GPHN: variants seen among roughly 807,000 people sequenced by gnomAD.
GPHN encodes the protein gephyrin.
Under a neutral mutation model 95.5 loss-of-function variants are expected in GPHN, and 17 were observed. The ratio of observed to expected loss-of-function variants is 0.18; its 90% CI spans 0.12 to 0.27. GPHN has a LOEUF of 0.27. Among genes scored for constraint, GPHN ranks in the 10% least tolerant of loss-of-function variants. GPHN has a pLI of 1.00. For synonymous variants in GPHN, 320 were observed against 322.5 expected (o/e 0.99, Z 0.08); for missense variants, 660 against 978.1 (o/e 0.67, Z 4.34).
At chr14:67,399,291 A>G in the GPHN span, among the ~76,000 whole-genome samples, 3 of 149,408 alleles carry the variant, frequency 2.0e-5, no homozygotes, top group African/African-American at 7.5e-5. Flanking sequence ...CTCAGGTGGC[A>G]GGAATAAAGA....
intron 4 of GPHN, among the ~76,000 whole-genome samples, chr14:66,859,154 T>C (rs1175120163): frequency 3.9e-5 from 6 of 152,262 alleles, no homozygotes; most frequent in South Asian, 4.1e-4. Context: ...AGTGCCTTGA[T>C]TGAACATAGA....
intron 8 of GPHN, among the ~76,000 whole-genome samples, chr14:66,932,444 GTTTTTTTTTTTTTTTTTTTTTTT>G (rs35159325): frequency 4.1e-5 from 1 of 24,380 alleles, no homozygotes; most frequent in Non-Finnish European, 7.3e-5. Flanking sequence ...CCAAGACCAG[GTTTTTTTTTTTTTTTTTTTTTTT>G]TTTTTTTTTT....
chr14:66,562,568 A>T (rs1246340528), intron 1 of GPHN, among the ~76,000 whole-genome samples: 3 of 152,178 alleles, frequency 2.0e-5, no homozygotes, highest in Admixed American at 6.6e-5. Flanking sequence ...TAGTAACTCA[A>T]AGCGTTTGTT....
At chr14:67,361,872 G>A in the GPHN span, among the ~76,000 whole-genome samples, 1 of 152,266 alleles carries the variant, frequency 6.6e-6, no homozygotes, top group African/African-American at 2.4e-5. Flanking sequence ...TCTTAAGGAA[G>A]TATTATAATT....
the GPHN span, among the ~76,000 whole-genome samples, chr14:67,401,766 T>C: frequency 5.3e-5 from 8 of 152,076 alleles, no homozygotes; most frequent in Non-Finnish European, 8.8e-5. Flanking sequence ...ACTAATATGA[T>C]AGGGAAAGGA....
the GPHN span, among the ~76,000 whole-genome samples, chr14:67,369,642 G>A: frequency 5.9e-4 from 90 of 152,286 alleles, no homozygotes; most frequent in Middle Eastern, 6.8e-3. Context: ...CACACTGGAA[G>A]TAATTTTGAA....
At chr14:66,893,613 C>T (rs537348239) in intron 5 of GPHN, among the ~76,000 whole-genome samples, 5 of 152,186 alleles carry the variant, frequency 3.3e-5, no homozygotes, top group African/African-American at 1.2e-4. Flanking sequence ...TTTAGAAAAC[C>T]CCATCGTCTC....
chr14:67,526,176 T>C, the GPHN span, among the ~76,000 whole-genome samples: 2 of 152,228 alleles, frequency 1.3e-5, no homozygotes, highest in Non-Finnish European at 2.9e-5. Flanking sequence ...ACTCTCCATA[T>C]CACCACTCTG....
the GPHN span, among the ~76,000 whole-genome samples, chr14:67,400,993 A>AAATAAT: frequency 2.1e-4 from 32 of 150,674 alleles, no homozygotes; most frequent in South Asian, 6.3e-4. Flanking sequence ...CTGCCTCTTA[A>AAATAAT]AATAATAATA....
chr14:66,799,375 C>T (rs1430870828), intron 3 of GPHN, among the ~76,000 whole-genome samples: 1 of 151,798 alleles, frequency 6.6e-6, no homozygotes, highest in Non-Finnish European at 1.5e-5. Context: ...CTTTGATTTT[C>T]TTCCTGGAAG....
the GPHN span, among the ~76,000 whole-genome samples, chr14:67,676,380 C>CT: frequency 1.3e-5 from 2 of 152,238 alleles, no homozygotes; most frequent in South Asian, 4.2e-4. Context: ...GTAAGTCCCA[C>CT]AGCACAATGC....
At chr14:66,517,146 AAAAAAAG>A (rs1390875799) in intron 1 of GPHN, among the ~76,000 whole-genome samples, 2 of 150,018 alleles carry the variant, frequency 1.3e-5, no homozygotes, top group African/African-American at 4.9e-5. Flanking sequence ...AAAAAAAAAA[AAAAAAAG>A]AAGAAACTGA....
the GPHN span, among the ~76,000 whole-genome samples, chr14:67,687,845 C>T: frequency 6.6e-6 from 1 of 151,464 alleles, no homozygotes; most frequent in Admixed American, 6.6e-5. Flanking sequence ...ATGATCTTGG[C>T]TCACTGCAAA....
chr14:67,614,138 T>C, the GPHN span, among the ~76,000 whole-genome samples: 2 of 152,142 alleles, frequency 1.3e-5, no homozygotes, highest in African/African-American at 4.8e-5. Context: ...GGTCTTGCTA[T>C]GTTGTCTAGG....
intron 1 of GPHN, among the ~76,000 whole-genome samples, chr14:66,583,155 A>G (rs2061266807): frequency 6.6e-6 from 1 of 151,808 alleles, no homozygotes; most frequent in Non-Finnish European, 1.5e-5. Flanking sequence ...GCATTTTTTC[A>G]TGTGTTTTTT....
chr14:67,519,946 C>G, the GPHN span, among the ~76,000 whole-genome samples: 1 of 152,208 alleles, frequency 6.6e-6, no homozygotes, highest in Non-Finnish European at 1.5e-5. Flanking sequence ...TCATTTTGAA[C>G]TCCTAGCCTC....
At chr14:66,794,234 G>A (rs2153473217) in intron 3 of GPHN, among the ~76,000 whole-genome samples, 1 of 152,268 alleles carries the variant, frequency 6.6e-6, no homozygotes, top group Admixed American at 6.5e-5. Context: ...CCTTGGTGCT[G>A]TTCTTGTGAT....
rs76024880 is a variant in GPHN at position 66,648,003 on chromosome 14, T to C, written c.65-33104T>C. Among the ~76,000 whole-genome samples the C allele has an allele frequency of 7.1e-4, 108 of 152,264 alleles. 1 individual carries two copies. In the East Asian group the frequency reaches 0.019, roughly 27 times the overall value. ...TGTATCAGAAAGCTAGGCGTCACAG[T>C]TGGATATTATGTATATAAATCAGTT... On this transcript the variant is annotated intron_variant, in intron 1 of 22. Coordinates refer to ENST00000478722, the MANE Select transcript of GPHN (RefSeq NM_020806.5).
At chr14:66,823,422 T>A (rs1462393589) in intron 3 of GPHN, 1 of 152,224 alleles carries the variant, frequency 6.6e-6, no homozygotes. Flanking sequence ...GAAACCACTT[T>A]ATAAGCACCT....
Sources: gnomAD v4.1 joint callset for allele counts (sites outside exome capture counted in the v4.1 genomes callset) on GRCh38, gnomAD v4.1.1 for gene constraint, MANE v1.5 for transcripts, NCBI Gene and HGNC (gene_info 2026-07-23, HGNC 2026-07-21) for gene names.